PTPRD: variants seen among roughly 807,000 people sequenced by gnomAD.
PTPRD encodes the protein receptor-type tyrosine-protein phosphatase delta.
Under a neutral mutation model 214.5 loss-of-function variants are expected in PTPRD, and 34 were observed. That is an observed-to-expected ratio of 0.16 (90% CI 0.12 to 0.21). The LOEUF (loss-of-function observed/expected upper bound fraction) is 0.21, where lower values mean the gene tolerates loss of function less well. Among genes scored for constraint, PTPRD ranks in the 10% least tolerant of loss-of-function variants. PTPRD has a pLI of 1.00. For synonymous variants in PTPRD, 1,128 were observed against 845.7 expected (o/e 1.33, Z -5.79); for missense variants, 2,545 against 2,398.7 (o/e 1.06, Z -1.27).
At chr9:9,992,133 T>C (rs148096183) in intron 4 of PTPRD, among the ~76,000 whole-genome samples, 44 of 152,310 alleles carry the variant, frequency 2.9e-4, no homozygotes, top group African/African-American at 9.1e-4. Context: ...GGTAAAAGTT[T>C]CTTTCTTGGA....
chr9:8,873,546 A>G (rs2098338152), intron 11 of PTPRD, among the ~76,000 whole-genome samples: 1 of 152,192 alleles, frequency 6.6e-6, no homozygotes, highest in African/African-American at 2.4e-5. Context: ...CCTAAGAGCT[A>G]GAAAGTTTTG....
intron 11 of PTPRD, among the ~76,000 whole-genome samples, chr9:8,760,828 A>G (rs73423009): frequency 6.6e-6 from 1 of 152,164 alleles, no homozygotes; most frequent in African/African-American, 2.4e-5. Flanking sequence ...GTACAAGTAA[A>G]GTAGAAAGTA....
intron 7 of PTPRD, among the ~76,000 whole-genome samples, chr9:9,731,211 A>G (rs2098185199): frequency 1.3e-5 from 2 of 152,122 alleles, no homozygotes; most frequent in Non-Finnish European, 1.5e-5. Flanking sequence ...TTATATCATA[A>G]TTTAATGGAG....
intron 11 of PTPRD, among the ~76,000 whole-genome samples, chr9:8,786,206 A>G (rs530866857): frequency 6.6e-6 from 1 of 152,264 alleles, no homozygotes; most frequent in South Asian, 2.1e-4. Flanking sequence ...CTCAGAGATA[A>G]TTGAACTTGT....
chr9:9,247,845 G>C (rs2099973763), intron 9 of PTPRD, among the ~76,000 whole-genome samples: 1 of 152,040 alleles, frequency 6.6e-6, no homozygotes, highest in Non-Finnish European at 1.5e-5. Flanking sequence ...TGATTCTGAT[G>C]CACATTGAAG....
intron 10 of PTPRD, among the ~76,000 whole-genome samples, chr9:9,043,859 G>A (rs191308991): frequency 1.5e-3 from 220 of 150,608 alleles, no homozygotes; most frequent in African/African-American, 5.2e-3. Context: ...AGCTGAGATC[G>A]CACCACTGTA....
At chr9:10,420,462 TG>T (rs1323117458) in intron 2 of PTPRD, among the ~76,000 whole-genome samples, 1 of 151,902 alleles carries the variant, frequency 6.6e-6, no homozygotes, top group Non-Finnish European at 1.5e-5. Flanking sequence ...TGGCCAAGGT[TG>T]AGAGTGCTTG....
At chr9:9,094,747 A>G (rs1429484465) in intron 10 of PTPRD, among the ~76,000 whole-genome samples, 7 of 152,360 alleles carry the variant, frequency 4.6e-5, no homozygotes, top group Non-Finnish European at 1.0e-4. Context: ...AATATTTAAC[A>G]ACAACAAACA....
intron 10 of PTPRD, among the ~76,000 whole-genome samples, chr9:9,170,594 G>A (rs963631752): frequency 2.0e-5 from 3 of 152,170 alleles, no homozygotes; most frequent in African/African-American, 7.2e-5. Flanking sequence ...CAGGCAGTTT[G>A]GCTTGAGGCC....
rs1274869954 is a variant in PTPRD, at chr9:10,533,982, T to C, written c.-600+78416A>G. Among the ~76,000 whole-genome samples the C allele has an allele frequency of 2.0e-5, 3 of 151,636 alleles. No homozygotes were observed. In the East Asian group the frequency reaches 5.8e-4, roughly 29 times the overall value. The stretch of plus-strand genomic sequence containing the variant: ...TATTTTTTTCTAAGGGAATATTTTA[T>C]TTATTAATAAATATAAAATATTTGT... On this transcript the variant is annotated intron_variant, in intron 2 of 45. Coordinates refer to ENST00000381196, the MANE Select transcript of PTPRD (RefSeq NM_002839.4).
chr9:8,682,075 A>C (rs1051976724), intron 12 of PTPRD, among the ~76,000 whole-genome samples: 1 of 152,180 alleles, frequency 6.6e-6, no homozygotes, highest in Non-Finnish European at 1.5e-5. Context: ...TGTACGTAAA[A>C]AATTCAATGA....
intron 6 of PTPRD, among the ~76,000 whole-genome samples, chr9:9,749,273 C>T (rs2098490438): frequency 6.6e-6 from 1 of 152,170 alleles, no homozygotes; most frequent in Admixed American, 6.5e-5. Context: ...GGTTGTTCAG[C>T]TGCACCAATT....
At chr9:8,659,804 C>T (rs1012120116) in intron 12 of PTPRD, among the ~76,000 whole-genome samples, 4 of 152,140 alleles carry the variant, frequency 2.6e-5, no homozygotes, top group Non-Finnish European at 4.4e-5. Flanking sequence ...GATGTCACTA[C>T]AATTAATATC....
At chr9:9,379,577 C>T (rs1569567843) in intron 9 of PTPRD, among the ~76,000 whole-genome samples, 1 of 151,986 alleles carries the variant, frequency 6.6e-6, no homozygotes, top group East Asian at 1.9e-4. Flanking sequence ...ATAAATTAAC[C>T]TTCTGAAATT....
intron 9 of PTPRD, among the ~76,000 whole-genome samples, chr9:9,251,840 A>G (rs527904508): frequency 1.3e-3 from 202 of 152,224 alleles, no homozygotes; most frequent in Non-Finnish European, 1.2e-3. Context: ...TTGAAATATC[A>G]GATTTAGTCG....
intron 4 of PTPRD, among the ~76,000 whole-genome samples, chr9:9,948,990 T>TG (rs979168093): frequency 4.0e-5 from 6 of 151,468 alleles, no homozygotes; most frequent in African/African-American, 7.3e-5. Flanking sequence ...AATGTCAGCA[T>TG]GGGGGGGCCT....
chr9:9,162,083 G>C (rs1276420840), intron 10 of PTPRD, among the ~76,000 whole-genome samples: 1 of 151,982 alleles, frequency 6.6e-6, no homozygotes, highest in South Asian at 2.1e-4. Flanking sequence ...CTATTTTCTT[G>C]CCAATATCTG....
chr9:9,158,397 C>T lies in PTPRD; in HGVS notation c.-143+24907G>A, dbSNP rs112477000. ...CAGGCAGATCACGAGGTCAGGAGTT[C>T]GAGATCAGCCTGGCCAACATGCTAA... On this transcript the variant is annotated intron_variant, in intron 10 of 45. Coordinates refer to ENST00000381196, the MANE Select transcript of PTPRD (RefSeq NM_002839.4). Among the ~76,000 whole-genome samples the T allele has an allele frequency of 5.5e-3, 837 of 152,074 alleles. 15 individuals are homozygous for T. The highest frequency in any genetic ancestry group is 0.046 in the East Asian group (238 of 5,162).
chr9:8,940,142 G>A (rs1261383626), intron 11 of PTPRD, among the ~76,000 whole-genome samples: 7 of 151,452 alleles, frequency 4.6e-5, no homozygotes, highest in Admixed American at 2.0e-4. Flanking sequence ...ATTTCAGTCT[G>A]TCAAGACCTG....
Sources: allele counts gnomAD v4.1 joint callset (sites outside exome capture counted in the v4.1 genomes callset), GRCh38; gene constraint gnomAD v4.1.1; transcripts MANE v1.5; gene names NCBI Gene and HGNC (gene_info 2026-07-23, HGNC 2026-07-21).